DOCK9: variants seen among roughly 807,000 people sequenced by gnomAD.
DOCK9 encodes the protein dedicator of cytokinesis 9.
In DOCK9, 89 loss-of-function variants were observed where a neutral mutation model predicts 263.3. That is an observed-to-expected ratio of 0.34 (90% CI 0.28 to 0.40). The LOEUF is 0.40. Ranked by LOEUF, DOCK9 falls within the 10% of genes least tolerant of loss-of-function variation. DOCK9 has a pLI of 1.00. For missense variants in DOCK9, 2,140 were observed against 2,603.4 expected, an observed-to-expected ratio of 0.82 and a Z score of 3.87; for synonymous variants, 976 against 973.1, an observed-to-expected ratio of 1.00 and a Z score of -0.06.
At chr13:98,915,748 A>C (rs1170162132) in intron 7 of DOCK9, among the ~76,000 whole-genome samples, 1 of 150,032 alleles carries the variant, frequency 6.7e-6, no homozygotes, top group Non-Finnish European at 1.5e-5. Context: ...TACTCATCTG[A>C]TTCACTGTGT....
chr13:98,886,475 A>G, intron 19 of DOCK9, 57 bp downstream of exon 19: 1 of 1,499,958 alleles, frequency 6.7e-7, no homozygotes, highest in Non-Finnish European at 9.2e-7. Flanking sequence ...AGGCAAATAC[A>G]TTAAAGTTTC....
chr13:98,890,556 C>T (rs77136681), intron 15 of DOCK9, among the ~76,000 whole-genome samples: 3,429 of 152,310 alleles, frequency 0.023, 57 homozygotes, highest in South Asian at 0.063. Context: ...CACAGTCCTT[C>T]CTACGCCACC....
intron 38 of DOCK9, among the ~76,000 whole-genome samples, chr13:98,838,242 T>C: frequency 6.6e-6 from 1 of 152,210 alleles, no homozygotes; most frequent in East Asian, 1.9e-4. Flanking sequence ...GGCCCCTTTA[T>C]AACCTCAGCT....
At chr13:98,854,048 G>A (rs1468175663) in intron 34 of DOCK9, among the ~76,000 whole-genome samples, 1 of 152,142 alleles carries the variant, frequency 6.6e-6, no homozygotes, top group Non-Finnish European at 1.5e-5. Flanking sequence ...GCACTGCTCA[G>A]GGAACACAAT....
intron 9 of DOCK9, among the ~76,000 whole-genome samples, chr13:98,913,704 C>A (rs2050424115): frequency 6.6e-6 from 1 of 152,114 alleles, no homozygotes; most frequent in Non-Finnish European, 1.5e-5. Flanking sequence ...AGAACTTCAA[C>A]TATAACCGAT....
chr13:98,984,510 C>A (rs1347135987), intron 1 of DOCK9, among the ~76,000 whole-genome samples: 1 of 152,208 alleles, frequency 6.6e-6, no homozygotes, highest in Non-Finnish European at 1.5e-5. Flanking sequence ...CTATCACACA[C>A]ACAAGACTAA....
chr13:98,948,024 G>C (rs530706745), intron 2 of DOCK9, among the ~76,000 whole-genome samples: 2 of 152,260 alleles, frequency 1.3e-5, no homozygotes, highest in Non-Finnish European at 2.9e-5. Flanking sequence ...AAAAGAGTGA[G>C]GACAAAACAT....
At chr13:98,861,929 C>T (rs1267254183) in intron 32 of DOCK9, among the ~76,000 whole-genome samples, 1 of 152,322 alleles carries the variant, frequency 6.6e-6, no homozygotes, top group East Asian at 1.9e-4. Context: ...GGGAGAGAAA[C>T]TGTAGCCCAC....
At chr13:98,999,753 T>C (rs1229920162) in intron 1 of DOCK9, among the ~76,000 whole-genome samples, 2 of 152,224 alleles carry the variant, frequency 1.3e-5, no homozygotes, top group Admixed American at 1.3e-4. Flanking sequence ...TAAACATGCA[T>C]CTGCACAAAC....
At chr13:99,016,472 T>C (rs1885429968) in intron 1 of DOCK9, among the ~76,000 whole-genome samples, 1 of 152,208 alleles carries the variant, frequency 6.6e-6, no homozygotes, top group Non-Finnish European at 1.5e-5. Context: ...GGCTACCCAG[T>C]CTGGCTAGAT....
At chr13:98,929,660 T>C (rs1278678310) in intron 3 of DOCK9, among the ~76,000 whole-genome samples, 1 of 151,694 alleles carries the variant, frequency 6.6e-6, no homozygotes, top group African/African-American at 2.4e-5. Flanking sequence ...TAGGAATATA[T>C]ATAGTAATCA....
At position 98,902,510 on chromosome 13, in the gene DOCK9, T is replaced by A. The variant is rs1354004488; in HGVS notation, c.1177-19A>T. 1 of 1,607,806 alleles carries A rather than the reference T, an allele frequency of 6.2e-7. No individual in the cohort carries two copies. Among genetic ancestry groups the A allele is most frequent in the African/African-American group, 1.3e-5 (1 of 74,906 alleles). On this transcript the variant is annotated intron_variant, in intron 11 of 52. Transcript: ENST00000682017. ...GTTCAACCTGAACAAAACAAAACAA[T>A]CCAATGATCACCATGGCTCAAACAG...
At chr13:98,860,100 A>T (rs1240124607) in intron 33 of DOCK9, 3 of 1,010,486 alleles carry the variant, frequency 3.0e-6, no homozygotes, top group Non-Finnish European at 3.8e-6. Context: ...AATATCCCTT[A>T]ACAGTATACA....
At chr13:98,907,001 C>G (rs2049212513) in intron 9 of DOCK9, among the ~76,000 whole-genome samples, 1 of 152,218 alleles carries the variant, frequency 6.6e-6, no homozygotes, top group African/African-American at 2.4e-5. Flanking sequence ...CTGCAATCTT[C>G]TGTTTATGCT....
intron 5 of DOCK9, among the ~76,000 whole-genome samples, chr13:98,922,674 G>C (rs1222305129): frequency 6.6e-6 from 1 of 152,218 alleles, no homozygotes; most frequent in Non-Finnish European, 1.5e-5. Flanking sequence ...ATTGCTTAAT[G>C]AGTGGCTAAT....
intron 52 of DOCK9, 156 bp downstream of exon 52, chr13:98,796,959 T>C: frequency 1.3e-6 from 1 of 769,576 alleles, no homozygotes; most frequent in South Asian, 1.8e-5. Flanking sequence ...TGTTCCCAAA[T>C]GACCTGGGGC....
intron 1 of DOCK9, among the ~76,000 whole-genome samples, chr13:99,046,202 T>C (rs944555821): frequency 1.3e-5 from 2 of 152,014 alleles, no homozygotes; most frequent in Non-Finnish European, 2.9e-5. Context: ...GTCCCAACAC[T>C]GAGCCCAGGC....
chr13:98,801,422 T>C (rs1238844621), intron 49 of DOCK9, among the ~76,000 whole-genome samples: 2 of 152,186 alleles, frequency 1.3e-5, no homozygotes, highest in South Asian at 2.1e-4. Context: ...TTTTGAAACT[T>C]ACAGCAATGA....
chr13:98,879,907 G>C lies in DOCK9; in HGVS notation c.2934C>G (p.Ser978=). Residue 978 remains serine (S), a synonymous_variant, in exon 27 of 53, where the codon TCC becomes TCG. Transcript: ENST00000682017. ...ACTTGAAGTAACATACCTTAACTTT[G>C]GAGTTCTCTATCAAATGCTGAGCCA... ...KSMAQHLIEN[S]KVKLLRNQRF... 6.2e-7 allele frequency: 1 copy of C among 1,606,536 alleles called. No homozygotes were observed. Among genetic ancestry groups the C allele is most frequent in the Non-Finnish European group, 8.5e-7 (1 of 1,178,014 alleles).
Sources: gnomAD v4.1 joint callset for allele counts (sites outside exome capture counted in the v4.1 genomes callset) on GRCh38, gnomAD v4.1.1 for gene constraint, MANE v1.5 for transcripts, NCBI Gene and HGNC (gene_info 2026-07-23, HGNC 2026-07-21) for gene names.